ZFAND3: variants seen among roughly 807,000 people sequenced by gnomAD.
ZFAND3 encodes the protein AN1-type zinc finger protein 3.
In ZFAND3, 10 loss-of-function variants were observed where a neutral mutation model predicts 29.6. The observed-to-expected ratio is 0.34, with a 90% CI of 0.21 to 0.57. ZFAND3 has a LOEUF of 0.57. Among genes scored for constraint, ZFAND3 ranks in the 20% least tolerant of loss-of-function variants. ZFAND3 has a pLI of 0.86. For missense variants in ZFAND3, 230 were observed against 304.5 expected (o/e 0.76, Z 1.82); for synonymous variants, 128 against 112.6 (o/e 1.14, Z -0.87).
chr6:38,082,387 T>C lies in ZFAND3; in HGVS notation c.296-5T>C, dbSNP rs775800654. 5 of 1,611,242 alleles carry C rather than the reference T, an allele frequency of 3.1e-6. No homozygotes were observed. The highest frequency in any genetic ancestry group is 4.2e-6 in the Non-Finnish European group (5 of 1,178,522). ...TGACTGATGCACCTGCCTTTCTGTT[T>C]CTAGGTGGGCCATGCACAGACACAG... On this transcript the variant is annotated splice_region_variant and splice_polypyrimidine_tract_variant and intron_variant, in intron 3 of 5. Transcript: ENST00000287218.
At chr6:38,080,310 A>G (rs1764636397) in intron 3 of ZFAND3, among the ~76,000 whole-genome samples, 1 of 151,158 alleles carries the variant, frequency 6.6e-6, no homozygotes, top group South Asian at 2.1e-4. Flanking sequence ...TATAATATAT[A>G]TATATATATT....
chr6:38,111,046 C>T (rs1765305758), intron 4 of ZFAND3, among the ~76,000 whole-genome samples: 1 of 152,204 alleles, frequency 6.6e-6, no homozygotes, highest in African/African-American at 2.4e-5. Flanking sequence ...GAATTTCTGC[C>T]AGAGACAAAA....
intron 5 of ZFAND3, among the ~76,000 whole-genome samples, chr6:38,126,479 T>C (rs1765637384): frequency 6.6e-6 from 1 of 152,240 alleles, no homozygotes; most frequent in Non-Finnish European, 1.5e-5. Flanking sequence ...TCCAAGATCT[T>C]TTCCAAGCTT....
intron 4 of ZFAND3, among the ~76,000 whole-genome samples, chr6:38,108,025 A>G (rs190681413): frequency 1.6e-4 from 25 of 152,338 alleles, no homozygotes; most frequent in African/African-American, 5.8e-4. Context: ...TAAGAGCCAA[A>G]TGTAACACAT....
chr6:37,925,290 G>A (rs1204714580), intron 1 of ZFAND3, among the ~76,000 whole-genome samples: 2 of 152,108 alleles, frequency 1.3e-5, no homozygotes, highest in Non-Finnish European at 2.9e-5. Context: ...AGTTAATGGT[G>A]GCCATCATAG....
At chr6:37,868,209 T>C (rs1764623548) in intron 1 of ZFAND3, among the ~76,000 whole-genome samples, 1 of 152,266 alleles carries the variant, frequency 6.6e-6, no homozygotes, top group Non-Finnish European at 1.5e-5. Flanking sequence ...TTTTCTTCTT[T>C]ATTCTGTTAA....
intron 1 of ZFAND3, among the ~76,000 whole-genome samples, chr6:37,904,159 A>G (rs576388227): frequency 6.6e-6 from 1 of 152,288 alleles, no homozygotes; most frequent in South Asian, 2.1e-4. Context: ...AAATAGAATA[A>G]ACCATGTTGG....
intron 5 of ZFAND3, among the ~76,000 whole-genome samples, chr6:38,121,356 A>G (rs747240495): frequency 2.0e-5 from 3 of 152,240 alleles, no homozygotes; most frequent in Non-Finnish European, 2.9e-5. Flanking sequence ...CAGCATGGGC[A>G]ACAGAGAAAG....
intron 1 of ZFAND3, among the ~76,000 whole-genome samples, chr6:37,837,758 A>C (rs1763996386): frequency 6.6e-6 from 1 of 152,066 alleles, no homozygotes; most frequent in African/African-American, 2.4e-5. Flanking sequence ...CGCCCACCTC[A>C]GCCTCCCAAA....
At chr6:37,967,649 A>G (rs942349961) in intron 2 of ZFAND3, among the ~76,000 whole-genome samples, 15 of 152,198 alleles carry the variant, frequency 9.9e-5, no homozygotes, top group South Asian at 2.1e-4. Context: ...TTCCAACTCA[A>G]TACCTCAGGA....
At chr6:38,126,687 C>G (rs1048686315) in intron 5 of ZFAND3, among the ~76,000 whole-genome samples, 1 of 152,142 alleles carries the variant, frequency 6.6e-6, no homozygotes, top group Non-Finnish European at 1.5e-5. Context: ...TTTGGTCACT[C>G]ATATATCTTC....
intron 2 of ZFAND3, among the ~76,000 whole-genome samples, chr6:37,976,584 CAAAAAAA>C (rs35783371): frequency 1.3e-5 from 1 of 76,908 alleles, no homozygotes; most frequent in African/African-American, 5.5e-5. Context: ...ACACTGTCTC[CAAAAAAA>C]AAAAAAAAAA....
intron 4 of ZFAND3, among the ~76,000 whole-genome samples, chr6:38,090,534 C>G (rs998179814): frequency 2.6e-5 from 4 of 152,152 alleles, no homozygotes; most frequent in African/African-American, 9.7e-5. Context: ...AAAAATTTCT[C>G]TAATCAAAAA....
chr6:37,914,915 T>G (rs1002403488), intron 1 of ZFAND3, among the ~76,000 whole-genome samples: 2 of 152,144 alleles, frequency 1.3e-5, no homozygotes, highest in African/African-American at 4.8e-5. Flanking sequence ...CAGTTGGTTC[T>G]TTGAAACGTT....
chr6:37,864,633 CCAATT>C (rs561472433), intron 1 of ZFAND3, among the ~76,000 whole-genome samples: 86 of 151,680 alleles, frequency 5.7e-4, no homozygotes, highest in African/African-American at 1.8e-3. Context: ...TGTATGAAGA[CCAATT>C]CAAGAAAAAA....
At chr6:37,920,539 G>A (rs1286569726) in intron 1 of ZFAND3, among the ~76,000 whole-genome samples, 2 of 152,042 alleles carry the variant, frequency 1.3e-5, no homozygotes, top group Non-Finnish European at 1.5e-5. Context: ...CACAAAAATC[G>A]AGGCATTTTG....
chr6:37,885,940 A>G (rs1313257712), intron 1 of ZFAND3, among the ~76,000 whole-genome samples: 2 of 151,790 alleles, frequency 1.3e-5, no homozygotes, highest in African/African-American at 4.8e-5. Context: ...CTGAACAACT[A>G]TTTTAAGTTC....
At chr6:37,929,856 G>A (rs1387315683) in intron 1 of ZFAND3, 103 bp from the exon 2 acceptor site, 5 of 1,137,022 alleles carry the variant, frequency 4.4e-6, no homozygotes, top group Non-Finnish European at 4.8e-6. Flanking sequence ...TCAGTTGCCT[G>A]ACCAGAAAGT....
At chr6:37,902,694 T>C (rs1368393558) in intron 1 of ZFAND3, among the ~76,000 whole-genome samples, 2 of 152,076 alleles carry the variant, frequency 1.3e-5, no homozygotes, top group East Asian at 1.9e-4. Context: ...ATGTAGACTT[T>C]TTCTTTTCAG....
Sources: allele counts gnomAD v4.1 joint callset (sites outside exome capture counted in the v4.1 genomes callset), GRCh38; gene constraint gnomAD v4.1.1; transcripts MANE v1.5; gene names NCBI Gene and HGNC (gene_info 2026-07-23, HGNC 2026-07-21).